GASK1A: variants seen among roughly 807,000 people sequenced by gnomAD.
The protein encoded by GASK1A is golgi associated kinase 1A.
GASK1A carries 40 observed loss-of-function variants against 41.2 expected under a neutral mutation model. That is an observed-to-expected ratio of 0.97 (90% CI 0.75 to 1.27). The LOEUF is 1.27. Ranked by LOEUF, GASK1A falls within the 50% of genes most tolerant of loss-of-function variation. The pLI is 0.00. For missense variants in GASK1A, 678 were observed against 745.1 expected, an observed-to-expected ratio of 0.91 and a Z score of 1.05; for synonymous variants, 316 against 307.1, an observed-to-expected ratio of 1.03 and a Z score of -0.30.
intron 2 of GASK1A, among the ~76,000 whole-genome samples, chr3:43,049,733 G>A (rs1453845480): frequency 6.6e-6 from 1 of 152,156 alleles, no homozygotes; most frequent in Non-Finnish European, 1.5e-5. Flanking sequence ...GACAGTACTT[G>A]GGACTATTGA....
intron 2 of GASK1A, among the ~76,000 whole-genome samples, chr3:43,043,680 A>C (rs1162348904): frequency 1.3e-5 from 2 of 152,212 alleles, no homozygotes; most frequent in Non-Finnish European, 2.9e-5. Flanking sequence ...AATACCTGGC[A>C]CAGAGTAAGG....
At chr3:43,035,705 T>A (rs2089600745) in intron 2 of GASK1A, among the ~76,000 whole-genome samples, 1 of 152,186 alleles carries the variant, frequency 6.6e-6, no homozygotes, top group African/African-American at 2.4e-5. Context: ...GTCATTCATG[T>A]AATGTACTTA....
chr3:43,056,135 C>A, intron 4 of GASK1A, 41 bp from the exon 5 acceptor site: 2 of 1,461,320 alleles, frequency 1.4e-6, no homozygotes, highest in South Asian at 1.3e-5. Context: ...ATTACTGTTG[C>A]TTTTTCTTTC....
chr3:43,006,126 T>C (rs114598678), intron 1 of GASK1A, among the ~76,000 whole-genome samples: 7 of 152,272 alleles, frequency 4.6e-5, no homozygotes, highest in African/African-American at 1.7e-4. Context: ...TTCCTCTTAA[T>C]AGACTCAAGC....
intron 2 of GASK1A, among the ~76,000 whole-genome samples, chr3:43,035,488 G>A (rs145633822): frequency 5.0e-4 from 76 of 152,278 alleles, no homozygotes; most frequent in Non-Finnish European, 9.7e-4. Flanking sequence ...CCCTGTATGC[G>A]TATTCTACAC....
At chr3:43,007,293 G>A (rs376855972) in intron 1 of GASK1A, among the ~76,000 whole-genome samples, 6 of 152,192 alleles carry the variant, frequency 3.9e-5, no homozygotes, top group African/African-American at 1.4e-4. Context: ...GCATGTAAAT[G>A]TTCTCTTAAA....
rs1031590916 is a variant in GASK1A, at chr3:43,056,225, A to G, written c.1567A>G (p.Met523Val). Residue 523 changes from methionine to valine, a missense_variant, in exon 5 of 5, where the codon ATG becomes GTG. Transcript: ENST00000430121. ...TCTCGCATCAGGGTGTCTACAGAAC[A>G]TGCTGCTGAAGTCGCTGCAGATGGA... ...KVLASGCLQN[M>V]LLKSLQMDPV... 1.9e-6 allele frequency: 3 copies of G among 1,551,634 alleles called. No homozygotes were observed. Among genetic ancestry groups the G allele is most frequent in the Non-Finnish European group, 2.6e-6 (3 of 1,147,010 alleles).
intron 1 of GASK1A, among the ~76,000 whole-genome samples, chr3:43,024,501 G>A (rs2089536655): frequency 6.6e-6 from 1 of 152,150 alleles, no homozygotes; most frequent in Non-Finnish European, 1.5e-5. Context: ...AAACACTGCA[G>A]GTGCAGTGTT....
At position 43,052,888 on chromosome 3, in the gene GASK1A, G is replaced by A. The variant is rs368433134; in HGVS notation, c.1291-633G>A. ...CCTTTCCTTCTGAAGAAAGCATCCC[G>A]GAAGCAAGTGAGTGGGAAGTGTGAT... On this transcript the variant is annotated intron_variant, in intron 2 of 4. Coordinates refer to ENST00000430121, the MANE Select transcript of GASK1A (RefSeq NM_001129908.3). 4.5e-4 allele frequency among the ~76,000 whole-genome samples: 69 copies of A among 152,308 alleles called. 2 individuals are homozygous for A. The South Asian group carries it at 0.013, about 28-fold the overall frequency.
intron 1 of GASK1A, among the ~76,000 whole-genome samples, chr3:43,006,145 A>G (rs559748246): frequency 1.4e-4 from 21 of 152,062 alleles, no homozygotes; most frequent in African/African-American, 4.6e-4. Context: ...GCACACATCA[A>G]TTTCTTTCTT....
At chr3:43,003,788 C>T (rs916636904) in intron 1 of GASK1A, among the ~76,000 whole-genome samples, 2 of 152,064 alleles carry the variant, frequency 1.3e-5, no homozygotes, top group Non-Finnish European at 2.9e-5. Context: ...GTATTACATG[C>T]TTCTAATTTG....
At chr3:43,050,084 T>C (rs1006377103) in intron 2 of GASK1A, among the ~76,000 whole-genome samples, 1 of 152,136 alleles carries the variant, frequency 6.6e-6, no homozygotes, top group African/African-American at 2.4e-5. Context: ...TACTGTCTTT[T>C]ATGTTTATCT....
intron 1 of GASK1A, among the ~76,000 whole-genome samples, chr3:43,013,067 C>A (rs1173893264): frequency 4.1e-5 from 6 of 146,360 alleles, no homozygotes; most frequent in Non-Finnish European, 9.0e-5. Context: ...CAGGGAGGGG[C>A]AGAGGGAAGT....
chr3:43,022,234 G>C (rs996244761), intron 1 of GASK1A, among the ~76,000 whole-genome samples: 4 of 152,104 alleles, frequency 2.6e-5, no homozygotes, highest in African/African-American at 9.7e-5. Flanking sequence ...TCTGATCAAA[G>C]CTGCTTTTCT....
chr3:42,998,321 A>G (rs1199713048), intron 1 of GASK1A, among the ~76,000 whole-genome samples: 1 of 152,086 alleles, frequency 6.6e-6, no homozygotes, highest in African/African-American at 2.4e-5. Context: ...AGGGCAAGCG[A>G]TGCAGACGCA....
chr3:43,039,020 A>G (rs2089620388), intron 2 of GASK1A, among the ~76,000 whole-genome samples: 1 of 142,064 alleles, frequency 7.0e-6, no homozygotes, highest in Non-Finnish European at 1.5e-5. Flanking sequence ...ATAAAAAAAA[A>G]GAAAGTACCT....
chr3:43,000,517 A>G (rs1213836835), intron 1 of GASK1A, among the ~76,000 whole-genome samples: 2 of 152,260 alleles, frequency 1.3e-5, no homozygotes, highest in East Asian at 3.8e-4. Context: ...TCTTCTCTCA[A>G]GACAGCAGCC....
intron 1 of GASK1A, among the ~76,000 whole-genome samples, chr3:43,020,822 A>G (rs1299318400): frequency 6.6e-6 from 1 of 152,168 alleles, no homozygotes; most frequent in Non-Finnish European, 1.5e-5. Context: ...AAACCACACA[A>G]ACACATTTAA....
chr3:43,056,121 T>G (rs2125693708), intron 4 of GASK1A, 55 bp from the exon 5 acceptor site: 386 of 1,354,934 alleles, frequency 2.8e-4, no homozygotes, highest in Non-Finnish European at 3.5e-4. Context: ...TGAAATTCTC[T>G]GAGATTACTG....
Sources: gnomAD v4.1 joint callset for allele counts (sites outside exome capture counted in the v4.1 genomes callset) on GRCh38, gnomAD v4.1.1 for gene constraint, MANE v1.5 for transcripts, NCBI Gene and HGNC (gene_info 2026-07-23, HGNC 2026-07-21) for gene names.